Variants in CTNNA3 observed in about 807,000 individuals in gnomAD.
CTNNA3 encodes the protein catenin alpha 3.
Under a neutral mutation model 95.7 loss-of-function variants are expected in CTNNA3, and 76 were observed. The observed-to-expected ratio is 0.79, with a 90% CI of 0.66 to 0.96. CTNNA3 has a LOEUF of 0.96. Ranked by LOEUF, CTNNA3 falls within the 40% of genes least tolerant of loss-of-function variation. The pLI is 0.00. For synonymous variants in CTNNA3, 431 were observed against 374.4 expected (o/e 1.15, Z -1.74); for missense variants, 1,191 against 1,089.8 (o/e 1.09, Z -1.31).
At chr10:66,987,012 CAAG>C (rs1452692533) in intron 7 of CTNNA3, among the ~76,000 whole-genome samples, 1 of 151,932 alleles carries the variant, frequency 6.6e-6, no homozygotes, top group African/African-American at 2.4e-5. Context: ...CTGAAAGAAG[CAAG>C]AAGAAGAAAC....
intron 1 of CTNNA3, among the ~76,000 whole-genome samples, chr10:67,719,044 G>A (rs1475352349): frequency 6.6e-6 from 1 of 152,128 alleles, no homozygotes; most frequent in African/African-American, 2.4e-5. Flanking sequence ...GGGTGTATGT[G>A]TCCAGGAATT....
chr10:66,738,679 T>G (rs1849227698), intron 9 of CTNNA3, among the ~76,000 whole-genome samples: 1 of 152,320 alleles, frequency 6.6e-6, no homozygotes, highest in East Asian at 1.9e-4. Context: ...GTGTATGTAT[T>G]CATTTTAATC....
At chr10:66,783,596 T>C (rs948093959) in intron 7 of CTNNA3, among the ~76,000 whole-genome samples, 4 of 151,858 alleles carry the variant, frequency 2.6e-5, no homozygotes, top group Non-Finnish European at 5.9e-5. Context: ...CGTGGAGAAA[T>C]GCAATATTTT....
intron 11 of CTNNA3, among the ~76,000 whole-genome samples, chr10:66,394,036 T>A (rs973658630): frequency 5.9e-5 from 9 of 152,080 alleles, no homozygotes; most frequent in Non-Finnish European, 1.2e-4. Context: ...CTAAATTTTA[T>A]AGAAATGGTA....
chr10:66,845,094 T>C (rs903569445), intron 7 of CTNNA3, among the ~76,000 whole-genome samples: 1 of 152,120 alleles, frequency 6.6e-6, no homozygotes. Flanking sequence ...ACACTTTCTT[T>C]AGGAAATAAG....
intron 11 of CTNNA3, among the ~76,000 whole-genome samples, chr10:66,438,394 G>A (rs2131777345): frequency 6.6e-6 from 1 of 152,302 alleles, no homozygotes; most frequent in East Asian, 1.9e-4. Flanking sequence ...GAGATGCCCT[G>A]CCCAGAAAGG....
intron 11 of CTNNA3, among the ~76,000 whole-genome samples, chr10:66,428,542 T>A (rs2093264779): frequency 6.6e-6 from 1 of 152,082 alleles, no homozygotes; most frequent in African/African-American, 2.4e-5. Flanking sequence ...ACAGAAATTA[T>A]AACAAACTGT....
intron 9 of CTNNA3, among the ~76,000 whole-genome samples, chr10:66,668,474 T>TATAC (rs1013169078): frequency 6.6e-6 from 1 of 150,864 alleles, no homozygotes; most frequent in African/African-American, 2.5e-5. Flanking sequence ...CATCCACATA[T>TATAC]ATACATACAT....
chr10:66,625,828 T>C (rs1844914962), intron 9 of CTNNA3, among the ~76,000 whole-genome samples: 1 of 152,120 alleles, frequency 6.6e-6, no homozygotes, highest in Admixed American at 6.6e-5. Context: ...AAATTCCCTG[T>C]TGTGGAGCCT....
intron 7 of CTNNA3, among the ~76,000 whole-genome samples, chr10:66,915,893 C>T (rs552737142): frequency 1.3e-5 from 2 of 151,840 alleles, no homozygotes; most frequent in African/African-American, 2.4e-5. Context: ...GGACTACAGG[C>T]GCCTGCCACC....
intron 2 of CTNNA3, among the ~76,000 whole-genome samples, chr10:67,639,577 C>G (rs1839450085): frequency 6.6e-6 from 1 of 151,990 alleles, no homozygotes; most frequent in Admixed American, 6.6e-5. Flanking sequence ...AGACCAATAT[C>G]TCTCATGAAC....
rs58785716 is a variant in CTNNA3, at chr10:67,208,990, G to C, written c.843+10617C>G. Among the ~76,000 whole-genome samples the C allele has an allele frequency of 4.8e-3, 737 of 152,244 alleles. 8 individuals are homozygous for C. The highest frequency in any genetic ancestry group is 0.016 in the African/African-American group (657 of 41,552). On this transcript the variant is annotated intron_variant, in intron 6 of 17. Coordinates refer to ENST00000433211, the MANE Select transcript of CTNNA3 (RefSeq NM_013266.4). ...AATAAAAGGTACCTTCCACCAGGAA[G>C]TCATAGGAGTCAAGAAAACTTCTAA...
chr10:66,773,596 A>G (rs957268741), intron 8 of CTNNA3, among the ~76,000 whole-genome samples: 5 of 152,206 alleles, frequency 3.3e-5, no homozygotes, highest in Admixed American at 2.6e-4. Flanking sequence ...TGAAAACGGT[A>G]CAGAAAATGG....
chr10:66,611,435 A>T (rs148288610), intron 10 of CTNNA3, among the ~76,000 whole-genome samples: 1 of 152,146 alleles, frequency 6.6e-6, no homozygotes, highest in East Asian at 1.9e-4. Flanking sequence ...TAAACACACA[A>T]ATAAAGAAAA....
chr10:67,208,659 T>G (rs1864009971), intron 6 of CTNNA3, among the ~76,000 whole-genome samples: 1 of 152,166 alleles, frequency 6.6e-6, no homozygotes, highest in Non-Finnish European at 1.5e-5. Flanking sequence ...TGTCTCTGCC[T>G]AGAAAAGCGT....
At chr10:66,664,518 G>C (rs1300300837) in intron 9 of CTNNA3, among the ~76,000 whole-genome samples, 2 of 152,084 alleles carry the variant, frequency 1.3e-5, no homozygotes, top group Non-Finnish European at 2.9e-5. Flanking sequence ...AGCTAGCCTA[G>C]TAGTTGTGAG....
At chr10:66,659,209 C>T (rs1211297316) in intron 9 of CTNNA3, among the ~76,000 whole-genome samples, 1 of 151,862 alleles carries the variant, frequency 6.6e-6, no homozygotes, top group Non-Finnish European at 1.5e-5. Context: ...CACACACACA[C>T]ACACACACAT....
chr10:66,630,467 A>T (rs1424515171), intron 9 of CTNNA3, among the ~76,000 whole-genome samples: 1 of 152,168 alleles, frequency 6.6e-6, no homozygotes, highest in Non-Finnish European at 1.5e-5. Flanking sequence ...GGAACTACTG[A>T]ATAGGTCCCA....
chr10:67,018,673 A>G (rs1224951817), intron 7 of CTNNA3, among the ~76,000 whole-genome samples: 1 of 152,238 alleles, frequency 6.6e-6, no homozygotes, highest in Non-Finnish European at 1.5e-5. Flanking sequence ...TTAACCGTGG[A>G]CAAGCCACTT....
Sources: gnomAD v4.1 joint callset for allele counts (sites outside exome capture counted in the v4.1 genomes callset) on GRCh38, gnomAD v4.1.1 for gene constraint, MANE v1.5 for transcripts, NCBI Gene and HGNC (gene_info 2026-07-23, HGNC 2026-07-21) for gene names.